PRKCD: variants seen among roughly 807,000 people sequenced by gnomAD.
PRKCD encodes the protein protein kinase C delta type.
Under a neutral mutation model 82.2 loss-of-function variants are expected in PRKCD, and 20 were observed. The ratio of observed to expected loss-of-function variants is 0.24; its 90% CI spans 0.17 to 0.35. PRKCD has a LOEUF of 0.35. PRKCD is among the 10% of genes least tolerant of loss of function. PRKCD has a pLI of 1.00. For missense variants in PRKCD, 607 were observed against 899.0 expected (o/e 0.68, Z 4.15); for synonymous variants, 317 against 337.0 (o/e 0.94, Z 0.65).
At position 53,186,251 on chromosome 3, in the gene PRKCD, G is replaced by A; in HGVS notation, c.1171G>A (p.Val391Met). ...GGATGTGGTCCTGATCGACGACGAC[G>A]TGGAGTGCACCATGGTTGAGAAGCG... is the stretch of plus-strand genomic sequence containing the variant. ...KKDVVLIDDD[V>M]ECTMVEKRVL... The change falls in exon 13 of 19, where the codon GTG becomes ATG. Residue 391 changes from valine (V) to methionine (M), a missense_variant. Coordinates refer to ENST00000330452, the MANE Select transcript of PRKCD (RefSeq NM_006254.4). 6.2e-7 allele frequency: 1 copy of A among 1,614,166 alleles called. No homozygotes were observed. The highest frequency in any genetic ancestry group is 2.2e-5 in the East Asian group (1 of 44,874).
chr3:53,178,774 G>C (rs76091069), intron 3 of PRKCD, among the ~76,000 whole-genome samples: 1 of 152,236 alleles, frequency 6.6e-6, no homozygotes, highest in Non-Finnish European at 1.5e-5. Flanking sequence ...CTCCTCCCTG[G>C]TTGTTTTACC....
chr3:53,181,773 G>C (rs553901760), intron 7 of PRKCD, 41 bp downstream of exon 7: 1 of 1,613,620 alleles, frequency 6.2e-7, no homozygotes, highest in Non-Finnish European at 8.5e-7. Flanking sequence ...ATGTACCCAT[G>C]TGTGCTCACG....
chr3:53,176,597 G>A (rs374437163), intron 2 of PRKCD, among the ~76,000 whole-genome samples: 5 of 152,284 alleles, frequency 3.3e-5, no homozygotes, highest in East Asian at 3.8e-4. Flanking sequence ...CCTCAACCAA[G>A]GCTATGGAGC....
At chr3:53,182,026 C>G (rs1553667749) in intron 7 of PRKCD, 2 of 595,560 alleles carry the variant, frequency 3.4e-6, no homozygotes, top group Non-Finnish European at 6.3e-6. Context: ...TGCACCAGGC[C>G]TCTTTTCCTC....
chr3:53,190,520 G>A (rs1161813623), intron 18 of PRKCD, among the ~76,000 whole-genome samples: 4 of 152,168 alleles, frequency 2.6e-5, no homozygotes, highest in Non-Finnish European at 5.9e-5. Context: ...AAGAGGGTGG[G>A]TCTGAGAGGC....
intron 2 of PRKCD, among the ~76,000 whole-genome samples, chr3:53,171,687 C>A (rs1553664958): frequency 3.9e-5 from 6 of 152,230 alleles, no homozygotes; most frequent in African/African-American, 1.4e-4. Context: ...GCCTTCTGAG[C>A]TGCCTGGAAG....
intron 3 of PRKCD, 74 bp from the exon 4 acceptor site, chr3:53,179,503 G>A (rs1553666703): frequency 1.3e-6 from 2 of 1,585,476 alleles, no homozygotes; most frequent in Non-Finnish European, 8.7e-7. Context: ...TTCTGCCAGG[G>A]GAAGGCCGTG....
chr3:53,187,248 T>A (rs1703738846), intron 14 of PRKCD, 92 bp from the exon 15 acceptor site: 4 of 1,381,406 alleles, frequency 2.9e-6, no homozygotes, highest in Non-Finnish European at 1.0e-6. Flanking sequence ...TTGCAGCATT[T>A]CTTGCTCCTG....
chr3:53,183,659 C>T, intron 9 of PRKCD, 78 bp downstream of exon 9: 1 of 1,568,600 alleles, frequency 6.4e-7, no homozygotes, highest in Admixed American at 1.8e-5. Context: ...CACCTCACGC[C>T]ACCCTCGCCT....
chr3:53,165,447 C>T (rs529197593), intron 2 of PRKCD, among the ~76,000 whole-genome samples: 1 of 152,356 alleles, frequency 6.6e-6, no homozygotes, highest in African/African-American at 2.4e-5. Context: ...AATGCTCTCA[C>T]CTTGGAGCTC....
intron 1 of PRKCD, among the ~76,000 whole-genome samples, 196 bp from the exon 2 acceptor site, chr3:53,164,908 T>C (rs782470990): frequency 1.3e-5 from 2 of 151,570 alleles, no homozygotes; most frequent in African/African-American, 2.4e-5. Context: ...TACCATGGAG[T>C]GGACAAATAG....
chr3:53,162,857 C>A (rs1702719881), intron 1 of PRKCD, among the ~76,000 whole-genome samples: 2 of 152,086 alleles, frequency 1.3e-5, no homozygotes, highest in Non-Finnish European at 2.9e-5. Flanking sequence ...GGTGCCTACC[C>A]ACCAGTCTCA....
At chr3:53,179,165 A>G (rs1703327632) in intron 3 of PRKCD, among the ~76,000 whole-genome samples, 2 of 152,202 alleles carry the variant, frequency 1.3e-5, no homozygotes. Flanking sequence ...ACTGTGACTT[A>G]ACAGTTACTT....
chr3:53,185,219 A>C (rs1392730333), intron 10 of PRKCD, among the ~76,000 whole-genome samples: 1 of 152,222 alleles, frequency 6.6e-6, no homozygotes, highest in East Asian at 1.9e-4. Context: ...GGGTGTTGGA[A>C]CACTTTGAAC....
intron 2 of PRKCD, among the ~76,000 whole-genome samples, chr3:53,177,799 C>G (rs1252578496): frequency 1.3e-5 from 2 of 152,112 alleles, no homozygotes; most frequent in African/African-American, 4.8e-5. Context: ...GAGAGTGCCC[C>G]TGGCCTGGGG....
rs1553668859 is a variant in PRKCD at position 53,185,718 on chromosome 3, G to A, written c.985+18G>A. 5 of 1,610,294 alleles carry A rather than the reference G, an allele frequency of 3.1e-6. No homozygotes were observed. Among genetic ancestry groups the A allele is most frequent in the Non-Finnish European group, 3.4e-6 (4 of 1,177,958 alleles). On this transcript the variant is annotated intron_variant, in intron 11 of 18. Transcript: ENST00000330452. Reference sequence around the variant, plus strand: ...CATGCAAGGTGAAGCTGGGTCCATTGCCCCATTACGGTTTTTATTCCCCCT... The same window carrying A: ...CATGCAAGGTGAAGCTGGGTCCATTACCCCATTACGGTTTTTATTCCCCCT...
Position 53,177,070 on chromosome 3 carries a change from C to G in PRKCD, c.-19-1334C>G, listed in dbSNP as rs181427081. On this transcript the variant is annotated intron_variant, in intron 2 of 18. Transcript: ENST00000330452. ...GTCTCGAACTCCTGACCTCAGGTGA[C>G]TCGCCTGCCTTGGCCTCCCAAAGTG... 4.7e-3 allele frequency among the ~76,000 whole-genome samples: 714 copies of G among 152,218 alleles called. 45 individuals are homozygous for G. In the South Asian group the frequency reaches 0.12, roughly 26 times the overall value.
chr3:53,176,209 A>G (rs1429478430), intron 2 of PRKCD, among the ~76,000 whole-genome samples: 1 of 152,116 alleles, frequency 6.6e-6, no homozygotes, highest in Non-Finnish European at 1.5e-5. Context: ...GGGCTCAGGC[A>G]TGAGCTTGCA....
intron 4 of PRKCD, among the ~76,000 whole-genome samples, chr3:53,180,340 T>C (rs1703391051): frequency 1.3e-5 from 2 of 152,196 alleles, no homozygotes; most frequent in Admixed American, 6.5e-5. Context: ...AACATAGTGA[T>C]CTTTAACAGC....
Sources: gnomAD v4.1 joint callset for allele counts (sites outside exome capture counted in the v4.1 genomes callset) on GRCh38, gnomAD v4.1.1 for gene constraint, MANE v1.5 for transcripts, NCBI Gene and HGNC (gene_info 2026-07-23, HGNC 2026-07-21) for gene names.